Variants in UBE2E2 observed in about 807,000 individuals in gnomAD.
UBE2E2 encodes the protein ubiquitin-conjugating enzyme E2 E2.
UBE2E2 carries 6 observed loss-of-function variants against 24.7 expected under a neutral mutation model. That is an observed-to-expected ratio of 0.24 (90% CI 0.13 to 0.48). UBE2E2 has a LOEUF of 0.48. Ranked by LOEUF, UBE2E2 falls within the 20% of genes least tolerant of loss-of-function variation. UBE2E2 has a pLI of 0.99. For synonymous variants in UBE2E2, 104 were observed against 83.6 expected (o/e 1.24, Z -1.33); for missense variants, 169 against 245.0 (o/e 0.69, Z 2.07).
intron 3 of UBE2E2, among the ~76,000 whole-genome samples, chr3:23,430,514 C>G (rs1240192206): frequency 6.6e-6 from 1 of 150,998 alleles, no homozygotes; most frequent in Non-Finnish European, 1.5e-5. Flanking sequence ...GGTTGTGTGG[C>G]GTTTTTTTTG....
At chr3:23,534,413 A>G (rs1284016793) in intron 5 of UBE2E2, 4 of 170,318 alleles carry the variant, frequency 2.3e-5, no homozygotes, top group Non-Finnish European at 4.7e-5. Flanking sequence ...GCAGAACCAC[A>G]TAAGTAAAAG....
At chr3:23,272,239 G>A (rs36123979) in intron 3 of UBE2E2, among the ~76,000 whole-genome samples, 11,327 of 152,210 alleles carry the variant, frequency 0.074, 548 homozygotes, top group Non-Finnish European at 0.092. Flanking sequence ...TGGGGGATCC[G>A]GCGCTCCCTG....
At chr3:23,544,921 G>A (rs553533623) in intron 5 of UBE2E2, among the ~76,000 whole-genome samples, 7 of 152,240 alleles carry the variant, frequency 4.6e-5, no homozygotes, top group East Asian at 1.9e-4. Flanking sequence ...AGACAAACAC[G>A]TGAACAAAGG....
chr3:23,452,592 C>T (rs1017102379), intron 3 of UBE2E2, among the ~76,000 whole-genome samples: 3 of 152,166 alleles, frequency 2.0e-5, no homozygotes, highest in Non-Finnish European at 4.4e-5. Flanking sequence ...AACACTGTAA[C>T]TTGATCCTAG....
intron 3 of UBE2E2, among the ~76,000 whole-genome samples, chr3:23,301,843 C>T (rs1156652830): frequency 1.4e-5 from 2 of 140,886 alleles, no homozygotes; most frequent in African/African-American, 3.2e-5. Flanking sequence ...CAGTCTTCTG[C>T]GTGGCTGACA....
At chr3:23,449,986 C>T (rs754256377) in intron 3 of UBE2E2, 8 of 931,584 alleles carry the variant, frequency 8.6e-6, no homozygotes, top group African/African-American at 3.6e-5. Context: ...GCTACCCTGC[C>T]ACGTGAGTAC....
Position 23,474,677 on chromosome 3 carries a change from C to T in UBE2E2, c.228-24931C>T, listed in dbSNP as rs1409477070. ...CTAGAATAAAACTATGCTGTTTCCA[C>T]TTATGTGGTAATAATGCGTTAGACC... On this transcript the variant is annotated intron_variant, in intron 3 of 5. Coordinates refer to ENST00000396703, the MANE Select transcript of UBE2E2 (RefSeq NM_152653.4). This position sits in a 1 kb window ranked among gnomAD's most constrained non-coding sequence, Gnocchi z 4.0. Among the ~76,000 whole-genome samples, 1 of 152,078 alleles carries T rather than the reference C, an allele frequency of 6.6e-6. No homozygotes were observed. The highest frequency in any genetic ancestry group is 6.5e-5 in the Admixed American group (1 of 15,282).
chr3:23,588,601 C>G (rs544919276), intron 5 of UBE2E2, among the ~76,000 whole-genome samples: 28 of 151,550 alleles, frequency 1.8e-4, no homozygotes, highest in Non-Finnish European at 3.7e-4. Flanking sequence ...TAAACGTTGA[C>G]CCAATCAATA....
chr3:23,279,818 A>C (rs952159225), intron 3 of UBE2E2, among the ~76,000 whole-genome samples: 4 of 152,230 alleles, frequency 2.6e-5, no homozygotes, highest in Non-Finnish European at 5.9e-5. Context: ...AGAAAACCTT[A>C]TGGCAATGAA....
chr3:23,225,135 A>G (rs1385237489), intron 3 of UBE2E2, among the ~76,000 whole-genome samples: 1 of 151,888 alleles, frequency 6.6e-6, no homozygotes, highest in Non-Finnish European at 1.5e-5. Flanking sequence ...TTTTTTAATG[A>G]CTTGTCGTTT....
intron 4 of UBE2E2, among the ~76,000 whole-genome samples, chr3:23,500,559 G>A (rs1699699263): frequency 6.6e-6 from 1 of 152,198 alleles, no homozygotes; most frequent in Non-Finnish European, 1.5e-5. Flanking sequence ...TGACTACCAA[G>A]AAAGAATTCT....
Position 23,394,410 on chromosome 3 carries a change from C to T in UBE2E2, c.228-105198C>T, listed in dbSNP as rs572196433. On this transcript the variant is annotated intron_variant, in intron 3 of 5. Transcript: ENST00000396703. ...CATGTTCACCATGAGTATGACTTTA[C>T]AGTTTGCTGGGTAACGTTCAGCCTT... Among the ~76,000 whole-genome samples, 7 of 152,240 alleles carry T rather than the reference C, an allele frequency of 4.6e-5. No homozygotes were observed. The South Asian group carries it at 1.2e-3, about 27-fold the overall frequency.
chr3:23,357,813 T>G (rs1696002884), intron 3 of UBE2E2, among the ~76,000 whole-genome samples: 1 of 151,584 alleles, frequency 6.6e-6, no homozygotes, highest in Non-Finnish European at 1.5e-5. Context: ...CTTCTGAAAT[T>G]GGTAAATCTT....
At chr3:23,224,545 A>G (rs1237362799) in intron 3 of UBE2E2, among the ~76,000 whole-genome samples, 1 of 100,176 alleles carries the variant, frequency 1.0e-5, no homozygotes, top group African/African-American at 3.5e-5. Flanking sequence ...CAGTTCTAAC[A>G]GCTTTTTTTT....
rs535896814 is a variant in UBE2E2 at position 23,392,771 on chromosome 3, T to C, written c.228-106837T>C. Among the ~76,000 whole-genome samples the C allele has an allele frequency of 3.3e-5, 5 of 152,336 alleles. No homozygotes were observed. In the East Asian group the frequency reaches 9.6e-4, roughly 29 times the overall value. Reference sequence around the variant, plus strand: ...AGAAAAACTGCACGTTAAGAGGTTCTGGGCTTAGTCCAGAAGGGTCAAGAA... The same window carrying C: ...AGAAAAACTGCACGTTAAGAGGTTCCGGGCTTAGTCCAGAAGGGTCAAGAA... On this transcript the variant is annotated intron_variant, in intron 3 of 5. Transcript: ENST00000396703.
chr3:23,245,377 G>A (rs1697368518), intron 3 of UBE2E2, among the ~76,000 whole-genome samples: 1 of 152,116 alleles, frequency 6.6e-6, no homozygotes, highest in African/African-American at 2.4e-5. Context: ...TAGTTGGGGT[G>A]ACTGAATCTC....
intron 3 of UBE2E2, among the ~76,000 whole-genome samples, chr3:23,255,249 A>G (rs533079354): frequency 9.9e-5 from 15 of 150,780 alleles, no homozygotes; most frequent in African/African-American, 3.6e-4. Flanking sequence ...GTGCCCCGCT[A>G]ATTTTTGTAG....
chr3:23,395,847 T>C (rs2125365500), intron 3 of UBE2E2, among the ~76,000 whole-genome samples: 1 of 152,308 alleles, frequency 6.6e-6, no homozygotes, highest in South Asian at 2.1e-4. Context: ...AAGGAAAGAC[T>C]TAGTAAAATT....
intron 3 of UBE2E2, among the ~76,000 whole-genome samples, chr3:23,293,679 C>A (rs1371157535): frequency 6.6e-6 from 1 of 152,160 alleles, no homozygotes; most frequent in Non-Finnish European, 1.5e-5. Context: ...TGTATCTTTC[C>A]TCTAGAGTAA....
Sources: gnomAD v4.1 joint callset for allele counts (sites outside exome capture counted in the v4.1 genomes callset) on GRCh38, gnomAD v4.1.1 for gene constraint, Gnocchi (gnomAD v3.1) non-coding constraint, MANE v1.5 for transcripts, NCBI Gene and HGNC (gene_info 2026-07-23, HGNC 2026-07-21) for gene names.